The following WDR3 variants were observed in gnomAD, a reference collection of about 807,000 sequenced individuals.
The protein encoded by WDR3 is WD repeat-containing protein 3.
WDR3 carries 81 observed loss-of-function variants against 123.7 expected under a neutral mutation model. The ratio of observed to expected loss-of-function variants is 0.65; its 90% CI spans 0.55 to 0.79. WDR3 has a LOEUF of 0.79. Ranked by LOEUF, WDR3 falls within the 30% of genes least tolerant of loss-of-function variation. The pLI is 0.00. For missense variants in WDR3, 1,027 were observed against 1,123.2 expected (o/e 0.91, Z 1.22); for synonymous variants, 390 against 388.8 (o/e 1.00, Z -0.04).
rs752433994 is a variant in WDR3 at position 117,933,358 on chromosome 1, T to G, written c.39T>G (p.Ser13Arg). 1 of 1,614,192 alleles carries G rather than the reference T, an allele frequency of 6.2e-7. No individual in the cohort carries two copies. The highest frequency in any genetic ancestry group is 1.7e-5 in the Admixed American group (1 of 60,020). Residue 13 changes from serine (S) to arginine (R), a missense_variant, in exon 2 of 27, where the codon AGT (serine) becomes AGG (arginine). Transcript: ENST00000349139. ...AGCAGTACCTACGCTATGTTGCTAG[T>G]GCGGTCTTTGGCGTTATCGGCAGCC... ...LTKQYLRYVASAVFGVIGSQK... is the reference protein window; with the variant it reads ...LTKQYLRYVARAVFGVIGSQK...
chr1:117,965,606 C>CA lies in WDR3; in HGVS notation c.*6160dup, dbSNP rs1653732213. On this transcript the variant is annotated 3_prime_UTR_variant, in exon 27 of 27. Transcript: ENST00000349139. The stretch of plus-strand genomic sequence containing the variant: ...CCCTCTTTTATGTTGACTGTTCCCC[C>CA]ACTCCCAGTTCTTGTCCTCACACAT... 1 of 152,178 alleles carries CA rather than the reference C, an allele frequency of 6.6e-6. No homozygotes were observed. Among genetic ancestry groups the CA allele is most frequent in the Admixed American group, 6.5e-5 (1 of 15,268 alleles). The allele number at this position is 152,178 out of a possible 1,614,324, so 9.4% of individuals were successfully genotyped here.
At position 117,960,445 on chromosome 1, in the gene WDR3, T is replaced by C. The variant is rs1428210276; in HGVS notation, c.*998T>C. On this transcript the variant is annotated 3_prime_UTR_variant, in exon 27 of 27. Coordinates refer to ENST00000349139, the MANE Select transcript of WDR3 (RefSeq NM_006784.3). ...CAATACTATAAGTGTATGTCATCTGTTTATAAAATGAATTGTCTGTCTGGA... is the reference window on the plus strand; with the variant it reads ...CAATACTATAAGTGTATGTCATCTGCTTATAAAATGAATTGTCTGTCTGGA... 6.6e-6 allele frequency: 1 copy of C among 152,194 alleles called. No individual in the cohort carries two copies. The highest frequency in any genetic ancestry group is 1.5e-5 in the Non-Finnish European group (1 of 68,034). The allele number at this position is 152,194 out of a possible 1,614,324, so 9.4% of individuals were successfully genotyped here.
At position 117,959,289 on chromosome 1, in the gene WDR3, C is replaced by T. The variant is rs1465617741; in HGVS notation, c.2677-3C>T. On this transcript the variant is annotated splice_region_variant and splice_polypyrimidine_tract_variant and intron_variant, in intron 26 of 26. Coordinates refer to ENST00000349139, the MANE Select transcript of WDR3 (RefSeq NM_006784.3). ...TTTTAATATTTCTTGTATTGCACTC[C>T]AGGATGTTATCGGCTTCAATATGGC... The T allele has an allele frequency of 1.2e-6, 2 of 1,610,194 alleles. No individual in the cohort carries two copies. Among genetic ancestry groups the T allele is most frequent in the Admixed American group, 1.7e-5 (1 of 59,236 alleles).
chr1:117,940,727 CCGACAA>C (rs974125500), intron 6 of WDR3, 94 bp from the exon 7 acceptor site: 6 of 1,101,514 alleles, frequency 5.4e-6, no homozygotes, highest in African/African-American at 1.6e-5. Context: ...GACTCTGTCT[CCGACAA>C]CAACAACAAC....
rs567987738 is a variant in WDR3 at position 117,930,814 on chromosome 1, C to T, written c.-33+1032C>T. Among the ~76,000 whole-genome samples the T allele has an allele frequency of 2.0e-5, 3 of 152,258 alleles. No homozygotes were observed. The South Asian group carries it at 6.2e-4, about 32-fold the overall frequency. ...AGCAGAAATTTTGGAGTTAGACTGG[C>T]TGGATTGGGATCTGGCTTTGGCAAT... is the stretch of plus-strand genomic sequence containing the variant. On this transcript the variant is annotated intron_variant, in intron 1 of 26. Coordinates refer to ENST00000349139, the MANE Select transcript of WDR3 (RefSeq NM_006784.3).
intron 12 of WDR3, among the ~76,000 whole-genome samples, 191 bp from the exon 13 acceptor site, chr1:117,948,214 C>A (rs1171951147): frequency 6.6e-6 from 1 of 152,162 alleles, no homozygotes; most frequent in South Asian, 2.1e-4. Flanking sequence ...GTTAACCCAG[C>A]ACATCAGTAG....
intron 25 of WDR3, 53 bp downstream of exon 25, chr1:117,957,249 A>G: frequency 1.3e-6 from 2 of 1,565,412 alleles, no homozygotes; most frequent in Non-Finnish European, 1.7e-6. Context: ...CTGCTTCAGT[A>G]GTACCTTAAC....
In WDR3 at chr1:117,952,375, T is replaced by C; in HGVS notation, c.1983T>C (p.Asp661=). The C allele has an allele frequency of 6.2e-7, 1 of 1,613,422 alleles. No individual in the cohort carries two copies. Among genetic ancestry groups the C allele is most frequent in the Non-Finnish European group, 8.5e-7 (1 of 1,179,554 alleles). ...AAGATCATAAGATTAAACAGTGGGATGCAGACAAATTTGAACACATACAGA... is the reference window on the plus strand; with the variant it reads ...AAGATCATAAGATTAAACAGTGGGACGCAGACAAATTTGAACACATACAGA... ...AGKDHKIKQW[D]ADKFEHIQTL... Residue 661 remains aspartate, a synonymous_variant, in exon 18 of 27, where the codon GAT becomes GAC. Transcript: ENST00000349139.
intron 11 of WDR3, 140 bp downstream of exon 11, chr1:117,943,766 A>T: frequency 1.4e-6 from 1 of 731,750 alleles, no homozygotes. Flanking sequence ...TAGCCTGTGG[A>T]GCTTAGAGAA....
In WDR3 at chr1:117,946,156, A is replaced by G. The variant is rs1298705216; in HGVS notation, c.1399A>G (p.Arg467Gly). ...ALCSFFVPGDRQVVIGTKTGK... is the reference protein window; with the variant it reads ...ALCSFFVPGDGQVVIGTKTGK... ...TTGCTCATTCTTTGTACCTGGTGAT[A>G]GACAGGTAGTCATAGGAACAAAGGT... is the stretch of plus-strand genomic sequence containing the variant. Residue 467 changes from arginine (R) to glycine (G), a missense_variant, in exon 12 of 27, where the codon AGA (arginine) becomes GGA (glycine). Coordinates refer to ENST00000349139, the MANE Select transcript of WDR3 (RefSeq NM_006784.3). 10 of 1,611,882 alleles carry G rather than the reference A, an allele frequency of 6.2e-6. No homozygotes were observed. The highest frequency in any genetic ancestry group is 1.6e-4 in the Middle Eastern group (1 of 6,072).
intron 6 of WDR3, 128 bp downstream of exon 6, chr1:117,939,700 C>A (rs1651074511): frequency 1.1e-6 from 1 of 874,206 alleles, no homozygotes; most frequent in Non-Finnish European, 1.8e-6. Context: ...CAATAACCTG[C>A]AACACTTAAA....
At chr1:117,934,284 C>T (rs187171694) in intron 2 of WDR3, among the ~76,000 whole-genome samples, 189 bp from the exon 3 acceptor site, 14 of 152,232 alleles carry the variant, frequency 9.2e-5, no homozygotes, top group Non-Finnish European at 5.9e-5. Flanking sequence ...TTAAATGTTT[C>T]ATTGCCTAGT....
At chr1:117,953,650 T>A (rs1651756266) in intron 21 of WDR3, 109 bp downstream of exon 21, 1 of 1,082,206 alleles carries the variant, frequency 9.2e-7, no homozygotes, top group Non-Finnish European at 1.3e-6. Flanking sequence ...AAAAAGTTGA[T>A]GAGATTTAAA....
chr1:117,952,804 A>G, intron 19 of WDR3, 142 bp downstream of exon 19: 1 of 1,433,038 alleles, frequency 7.0e-7, no homozygotes, highest in Non-Finnish European at 9.5e-7. Context: ...GACCATTGTC[A>G]CCCATTTCAG....
At chr1:117,933,651 G>T (rs1226676116) in intron 2 of WDR3, 161 bp downstream of exon 2, 1 of 836,278 alleles carries the variant, frequency 1.2e-6, no homozygotes, top group East Asian at 2.7e-5. Context: ...CAAGCATCAA[G>T]TTCCTTTGTG....
intron 16 of WDR3, among the ~76,000 whole-genome samples, chr1:117,951,469 G>A (rs1571020767): frequency 6.7e-6 from 1 of 148,644 alleles, no homozygotes; most frequent in Non-Finnish European, 1.5e-5. Context: ...TCTGTGGTCA[G>A]TGCACTAACA....
At chr1:117,943,088 G>A (rs189504226) in intron 10 of WDR3, among the ~76,000 whole-genome samples, 247 of 152,018 alleles carry the variant, frequency 1.6e-3, no homozygotes, top group African/African-American at 5.4e-3. Flanking sequence ...CAGTAACTGG[G>A]ATTACAGACT....
At chr1:117,943,686 G>A (rs1651266571) in intron 11 of WDR3, 60 bp downstream of exon 11, 2 of 1,485,814 alleles carry the variant, frequency 1.3e-6, no homozygotes, top group Non-Finnish European at 1.8e-6. Flanking sequence ...ATTTTTTTTG[G>A]TACTCTTAAG....
chr1:117,954,488 AAAATTAT>A, intron 22 of WDR3, 85 bp from the exon 23 acceptor site: 1 of 1,317,914 alleles, frequency 7.6e-7, no homozygotes, highest in South Asian at 1.3e-5. Flanking sequence ...TTCCCTTTTC[AAAATTAT>A]AAAATACAGT....
Sources: gnomAD v4.1 joint callset for allele counts (sites outside exome capture counted in the v4.1 genomes callset) on GRCh38, gnomAD v4.1.1 for gene constraint, MANE v1.5 for transcripts, NCBI Gene and HGNC (gene_info 2026-07-23, HGNC 2026-07-21) for gene names.